DMRT1: variants seen among roughly 807,000 people sequenced by gnomAD.
The protein encoded by DMRT1 is doublesex and mab-3 related transcription factor 1.
DMRT1 carries 7 observed loss-of-function variants against 32.3 expected under a neutral mutation model. That is an observed-to-expected ratio of 0.22 (90% CI 0.12 to 0.41). DMRT1 has a LOEUF of 0.41. DMRT1 is among the 10% of genes least tolerant of loss of function. The pLI, the probability that DMRT1 is intolerant of heterozygous loss-of-function variation, is 1.00. For synonymous variants in DMRT1, 278 were observed against 206.1 expected (o/e 1.35, Z -2.99); for missense variants, 625 against 500.5 (o/e 1.25, Z -2.37).
intron 2 of DMRT1, among the ~76,000 whole-genome samples, chr9:882,160 C>T (rs1224030686): frequency 6.6e-6 from 1 of 152,182 alleles, no homozygotes; most frequent in Non-Finnish European, 1.5e-5. Context: ...AGGCAGAAAC[C>T]CCTGCAGGTG....
chr9:938,942 C>A (rs1298268738), intron 4 of DMRT1, among the ~76,000 whole-genome samples: 1 of 152,210 alleles, frequency 6.6e-6, no homozygotes, highest in Non-Finnish European at 1.5e-5. Flanking sequence ...ACTCTTTAAT[C>A]TAAGGTAATC....
At chr9:930,783 G>A (rs574952108) in intron 4 of DMRT1, among the ~76,000 whole-genome samples, 81 of 151,770 alleles carry the variant, frequency 5.3e-4, no homozygotes, top group Non-Finnish European at 1.3e-4. Context: ...GCCTCAAGCG[G>A]CCTGTTTCAG....
chr9:892,935 C>T (rs1336465868), intron 2 of DMRT1, among the ~76,000 whole-genome samples: 1 of 152,170 alleles, frequency 6.6e-6, no homozygotes, highest in African/African-American at 2.4e-5. Context: ...CTCCTTTTCT[C>T]ATTTTTCACC....
intron 2 of DMRT1, among the ~76,000 whole-genome samples, chr9:849,716 G>A (rs1839057632): frequency 6.6e-6 from 1 of 152,200 alleles, no homozygotes; most frequent in African/African-American, 2.4e-5. Flanking sequence ...CACTCACAGG[G>A]AAGGGGCATG....
intron 2 of DMRT1, among the ~76,000 whole-genome samples, chr9:864,627 C>A (rs180919459): frequency 6.6e-6 from 1 of 151,852 alleles, no homozygotes; most frequent in African/African-American, 2.4e-5. Flanking sequence ...GCCTCCTGAG[C>A]AGCTGGGACT....
At chr9:911,176 T>G (rs1321539568) in intron 3 of DMRT1, among the ~76,000 whole-genome samples, 2 of 152,132 alleles carry the variant, frequency 1.3e-5, no homozygotes, top group African/African-American at 4.8e-5. Context: ...TACACTGTAG[T>G]GACAGTCAGC....
rs777177912 is a variant in DMRT1 at position 842,020 on chromosome 9, C to G, written c.182C>G (p.Ser61Trp). The G allele has an allele frequency of 1.9e-6, 3 of 1,550,400 alleles. No individual in the cohort carries two copies. The highest frequency in any genetic ancestry group is 1.2e-5 in the South Asian group (1 of 84,960). Residue 61 changes from serine to tryptophan, a missense_variant, in exon 1 of 5, where the codon TCG becomes TGG. By Grantham distance (177) the Ser-to-Trp change is radical (BLOSUM62 -3). Coordinates refer to ENST00000382276, the MANE Select transcript of DMRT1 (RefSeq NM_021951.3). ...GGAGGCGGCTCCGGCTCCGGGGCGT[C>G]GGACCTGGGTGCCGGGAGCAAGAAG... ...SRGGGSGSGA[S>W]DLGAGSKKSP...
At position 968,373 on chromosome 9, in the gene DMRT1, C is replaced by T. The variant is rs1212993368; in HGVS notation, c.*234C>T. The stretch of plus-strand genomic sequence containing the variant: ...CTCACGGAGTTTAAATAATAGTGTT[C>T]ATTTTTTTAATGACACTGGTTTCAT... On this transcript the variant is annotated 3_prime_UTR_variant, in exon 5 of 5. Coordinates refer to ENST00000382276, the MANE Select transcript of DMRT1 (RefSeq NM_021951.3). 3 of 504,742 alleles carry T rather than the reference C, an allele frequency of 5.9e-6. No homozygotes were observed. Among genetic ancestry groups the T allele is most frequent in the African/African-American group, 3.8e-5 (2 of 51,994 alleles). The allele number at this position is 504,742 out of a possible 1,614,324, so 31.3% of individuals were successfully genotyped here. A position where few individuals can be genotyped will look rare whatever the true frequency, so the allele number is the denominator to read the frequency against.
chr9:954,141 C>T lies in DMRT1; in HGVS notation c.968-13844C>T, dbSNP rs552870703. ...ATCTGGAGCAGGAGAGAGGCTAGGACGTGGCATAATAAGCACGGGGAGAAG... is the reference window on the plus strand; with the variant it reads ...ATCTGGAGCAGGAGAGAGGCTAGGATGTGGCATAATAAGCACGGGGAGAAG... On this transcript the variant is annotated intron_variant, in intron 4 of 4. Coordinates refer to ENST00000382276, the MANE Select transcript of DMRT1 (RefSeq NM_021951.3). 1.2e-4 allele frequency among the ~76,000 whole-genome samples: 18 copies of T among 152,158 alleles called. No individual in the cohort carries two copies. In the South Asian group the frequency reaches 2.9e-3, roughly 25 times the overall value.
At chr9:897,016 A>G (rs1223161243) in intron 3 of DMRT1, among the ~76,000 whole-genome samples, 1 of 151,920 alleles carries the variant, frequency 6.6e-6, no homozygotes, top group Non-Finnish European at 1.5e-5. Flanking sequence ...CTTCTTGGGC[A>G]TATTAAAATG....
chr9:858,152 G>A (rs773131774), intron 2 of DMRT1, among the ~76,000 whole-genome samples: 3 of 152,166 alleles, frequency 2.0e-5, no homozygotes, highest in African/African-American at 2.4e-5. Flanking sequence ...CTCTTCTGGG[G>A]AGTGAAAGAG....
chr9:880,634 G>GT (rs1216223209), intron 2 of DMRT1, among the ~76,000 whole-genome samples: 1 of 150,080 alleles, frequency 6.7e-6, no homozygotes, highest in Admixed American at 6.7e-5. Context: ...GCTGAGGCAG[G>GT]AGAATTGCTT....
intron 2 of DMRT1, among the ~76,000 whole-genome samples, chr9:870,324 G>C (rs1816183889): frequency 6.6e-6 from 1 of 152,090 alleles, no homozygotes; most frequent in South Asian, 2.1e-4. Context: ...GCTTGAACCT[G>C]GGAGGCGGAG....
At chr9:927,254 G>A (rs1311295645) in intron 4 of DMRT1, among the ~76,000 whole-genome samples, 1 of 152,250 alleles carries the variant, frequency 6.6e-6, no homozygotes, top group Non-Finnish European at 1.5e-5. Context: ...TCCAGAGTTA[G>A]TGAGCAGGAA....
At chr9:906,747 T>C (rs1817790880) in intron 3 of DMRT1, among the ~76,000 whole-genome samples, 1 of 152,014 alleles carries the variant, frequency 6.6e-6, no homozygotes, top group African/African-American at 2.4e-5. Context: ...ATGCGAAGAG[T>C]TGTTAAAAGC....
chr9:908,234 T>A (rs1817848591), intron 3 of DMRT1, among the ~76,000 whole-genome samples: 1 of 152,014 alleles, frequency 6.6e-6, no homozygotes, highest in Non-Finnish European at 1.5e-5. Flanking sequence ...GGTGAGAGGA[T>A]CACTTGAGGC....
intron 2 of DMRT1, among the ~76,000 whole-genome samples, chr9:863,091 G>A (rs183070580): frequency 2.3e-4 from 32 of 142,110 alleles, no homozygotes; most frequent in Non-Finnish European, 4.2e-4. Context: ...GAGGCTGAAG[G>A]ATTGCTTAAG....
At chr9:921,026 T>C in intron 4 of DMRT1, among the ~76,000 whole-genome samples, 1 of 152,208 alleles carries the variant, frequency 6.6e-6, no homozygotes, top group East Asian at 1.9e-4. Flanking sequence ...TGAGGTAGAA[T>C]CCACCTAACA....
At chr9:864,810 T>G (rs1815905055) in intron 2 of DMRT1, among the ~76,000 whole-genome samples, 1 of 152,242 alleles carries the variant, frequency 6.6e-6, no homozygotes, top group African/African-American at 2.4e-5. Flanking sequence ...GCCAGTATTC[T>G]TTTAACTTCT....
Sources: gnomAD v4.1 joint callset for allele counts (sites outside exome capture counted in the v4.1 genomes callset) on GRCh38, gnomAD v4.1.1 for gene constraint, MANE v1.5 for transcripts, NCBI Gene and HGNC (gene_info 2026-07-23, HGNC 2026-07-21) for gene names.